EPHA6: variants seen among roughly 807,000 people sequenced by gnomAD.
EPHA6 encodes EPH receptor A6, also known as ephrin type-A receptor 6.
Under a neutral mutation model 112.0 loss-of-function variants are expected in EPHA6, and 50 were observed. That is an observed-to-expected ratio of 0.45 (90% CI 0.36 to 0.56). EPHA6 has a LOEUF of 0.56. Among genes scored for constraint, EPHA6 ranks in the 20% least tolerant of loss-of-function variants. The probability of loss-of-function intolerance (pLI) is 0.00; values close to 1 mark genes in which losing one functional copy is unlikely to be tolerated. For missense variants in EPHA6, 1,280 were observed against 1,417.4 expected (o/e 0.90, Z 1.56); for synonymous variants, 529 against 490.7 (o/e 1.08, Z -1.03).
At chr3:97,091,955 C>T (rs1446840972) in intron 3 of EPHA6, among the ~76,000 whole-genome samples, 1 of 151,210 alleles carries the variant, frequency 6.6e-6, no homozygotes, top group East Asian at 1.9e-4. Context: ...GAGGGGTTGG[C>T]GTTGTGGAGG....
chr3:97,023,784 A>G (rs886094269), intron 3 of EPHA6, among the ~76,000 whole-genome samples: 1 of 152,194 alleles, frequency 6.6e-6, no homozygotes, highest in South Asian at 2.1e-4. Context: ...GTAAAATTCA[A>G]TTATGCATAA....
Position 97,448,573 on chromosome 3 carries a change from T to C in EPHA6, c.1737T>C (p.His579=), listed in dbSNP as rs753142644. The part of the protein sequence containing the change: ...DYEIKYYEKE[H]EQLTYSSTRS... ...CCTTTTTTTCTGTCCCCCAGGAACA[T>C]GAGCAGCTGACCTACTCTTCCACAA... The change falls in exon 7 of 18, where the codon CAT becomes CAC. Residue 579 remains histidine, a synonymous_variant. Transcript: ENST00000389672. The C allele has an allele frequency of 3.1e-6, 5 of 1,613,236 alleles. No individual in the cohort carries two copies. The highest frequency in any genetic ancestry group is 4.2e-6 in the Non-Finnish European group (5 of 1,179,454).
intron 13 of EPHA6, among the ~76,000 whole-genome samples, chr3:97,622,113 G>A (rs1019903763): frequency 1.3e-5 from 2 of 151,710 alleles, no homozygotes; most frequent in Non-Finnish European, 2.9e-5. Context: ...ACAATTCAGT[G>A]GTATTAAGTA....
chr3:97,642,661 G>A (rs1351516814), intron 14 of EPHA6, among the ~76,000 whole-genome samples: 16 of 152,264 alleles, frequency 1.1e-4, no homozygotes, highest in Admixed American at 2.6e-4. Context: ...CTTAGGAGCC[G>A]ATGCGATCAA....
intron 2 of EPHA6, among the ~76,000 whole-genome samples, chr3:96,874,098 A>G (rs1237787959): frequency 6.6e-6 from 1 of 152,088 alleles, no homozygotes; most frequent in African/African-American, 2.4e-5. Flanking sequence ...TTGATTTTCA[A>G]CATTGTGATG....
chr3:97,404,244 A>G (rs1007625694), intron 5 of EPHA6, among the ~76,000 whole-genome samples: 6 of 152,220 alleles, frequency 3.9e-5, no homozygotes, highest in African/African-American at 1.4e-4. Flanking sequence ...TAAGAGTTGT[A>G]TCATTTTGCA....
At chr3:97,033,250 A>G (rs374416790) in intron 3 of EPHA6, among the ~76,000 whole-genome samples, 13 of 151,974 alleles carry the variant, frequency 8.6e-5, no homozygotes, top group Admixed American at 2.0e-4. Flanking sequence ...TTTAATCACA[A>G]TGATTGTAGT....
At chr3:97,185,776 C>A (rs1050674141) in intron 3 of EPHA6, among the ~76,000 whole-genome samples, 3 of 151,968 alleles carry the variant, frequency 2.0e-5, no homozygotes, top group Non-Finnish European at 4.4e-5. Context: ...ATGTTTATTG[C>A]GGCAATTTTC....
chr3:97,131,472 G>T (rs763671460), intron 3 of EPHA6, among the ~76,000 whole-genome samples: 1 of 152,108 alleles, frequency 6.6e-6, no homozygotes, highest in African/African-American at 2.4e-5. Flanking sequence ...GAGTTATTTG[G>T]TGCCAGATTT....
chr3:97,682,473 T>G (rs1255294401), intron 14 of EPHA6, among the ~76,000 whole-genome samples: 2 of 152,148 alleles, frequency 1.3e-5, no homozygotes, highest in East Asian at 1.9e-4. Flanking sequence ...TTGACCCTTC[T>G]ACCTATTGAC....
rs1263353626 is a variant in EPHA6, at chr3:97,750,849, G to A, written c.*2148G>A. ...TAAAATATACAAAAAAAGGTAGGGG[G>A]TGATGGGAAAATCATCACTTTTCAA... On this transcript the variant is annotated 3_prime_UTR_variant, in exon 18 of 18. Coordinates refer to ENST00000389672, the MANE Select transcript of EPHA6 (RefSeq NM_001080448.3). 3.3e-5 allele frequency among the ~76,000 whole-genome samples: 5 copies of A among 152,114 alleles called. No homozygotes were observed. The highest frequency in any genetic ancestry group is 7.4e-5 in the Non-Finnish European group (5 of 68,010).
At chr3:97,230,689 G>A (rs1052095626) in intron 4 of EPHA6, among the ~76,000 whole-genome samples, 1 of 152,196 alleles carries the variant, frequency 6.6e-6, no homozygotes, top group Admixed American at 6.5e-5. Flanking sequence ...CATGTACCTC[G>A]TGTATACATT....
chr3:97,403,724 G>A (rs541016458), intron 5 of EPHA6, among the ~76,000 whole-genome samples: 1 of 152,306 alleles, frequency 6.6e-6, no homozygotes, highest in African/African-American at 2.4e-5. Context: ...GGGATTACAG[G>A]CGTGAGCCAC....
chr3:97,537,469 T>A (rs1240284160), intron 11 of EPHA6, among the ~76,000 whole-genome samples: 1 of 152,206 alleles, frequency 6.6e-6, no homozygotes, highest in African/African-American at 2.4e-5. Flanking sequence ...AATAAGTGTG[T>A]CATTATTTCC....
chr3:97,500,316 T>C (rs2092085256), intron 10 of EPHA6, among the ~76,000 whole-genome samples: 1 of 152,032 alleles, frequency 6.6e-6, no homozygotes, highest in Non-Finnish European at 1.5e-5. Context: ...TTAATTGGGT[T>C]AAAATTCGAC....
intron 3 of EPHA6, among the ~76,000 whole-genome samples, chr3:97,103,116 T>C (rs1019934599): frequency 3.9e-5 from 6 of 152,178 alleles, no homozygotes; most frequent in African/African-American, 7.2e-5. Flanking sequence ...TCTTTTGCTG[T>C]GCAGAAGCTC....
chr3:97,685,723 A>G (rs992043945), intron 14 of EPHA6, among the ~76,000 whole-genome samples: 1 of 152,206 alleles, frequency 6.6e-6, no homozygotes, highest in African/African-American at 2.4e-5. Context: ...GGACAAAAAC[A>G]ATCCCTCCAT....
intron 3 of EPHA6, among the ~76,000 whole-genome samples, chr3:97,104,297 C>T (rs1352942816): frequency 6.6e-6 from 1 of 152,072 alleles, no homozygotes; most frequent in Non-Finnish European, 1.5e-5. Context: ...ATAGAAGGCT[C>T]TTACTATTTC....
intron 11 of EPHA6, among the ~76,000 whole-genome samples, chr3:97,538,541 A>G (rs1015050407): frequency 4.6e-5 from 7 of 152,198 alleles, no homozygotes; most frequent in African/African-American, 1.7e-4. Flanking sequence ...TAGATGGCTG[A>G]TGGTTGGTAG....
Sources: gnomAD v4.1 joint callset for allele counts (sites outside exome capture counted in the v4.1 genomes callset) on GRCh38, gnomAD v4.1.1 for gene constraint, MANE v1.5 for transcripts, NCBI Gene and HGNC (gene_info 2026-07-23, HGNC 2026-07-21) for gene names.